CDH4: variants seen among roughly 807,000 people sequenced by gnomAD.
CDH4 encodes the protein cadherin-4.
A neutral mutation model predicts 86.0 loss-of-function variants in CDH4; 33 were observed. The observed-to-expected ratio is 0.38, with a 90% CI of 0.29 to 0.51. The LOEUF is 0.51. Ranked by LOEUF, CDH4 falls within the 20% of genes least tolerant of loss-of-function variation. The pLI, the probability that CDH4 is intolerant of heterozygous loss-of-function variation, is 0.86. For missense variants in CDH4, 1,114 were observed against 1,307.4 expected, an observed-to-expected ratio of 0.85 and a Z score of 2.28; for synonymous variants, 555 against 549.4, an observed-to-expected ratio of 1.01 and a Z score of -0.14.
intron 8 of CDH4, among the ~76,000 whole-genome samples, chr20:61,907,304 G>A (rs912316607): frequency 2.0e-5 from 3 of 152,074 alleles, no homozygotes; most frequent in Non-Finnish European, 2.9e-5. Flanking sequence ...AGGCCTCAGC[G>A]AAGCTTCCTT....
At chr20:61,686,418 C>A (rs2087574189) in intron 2 of CDH4, among the ~76,000 whole-genome samples, 2 of 147,120 alleles carry the variant, frequency 1.4e-5, no homozygotes, top group African/African-American at 2.5e-5. Context: ...TGTGCCTGTA[C>A]ATTTGCGTGT....
At chr20:61,865,640 G>A (rs1983513367) in intron 6 of CDH4, among the ~76,000 whole-genome samples, 1 of 151,860 alleles carries the variant, frequency 6.6e-6, no homozygotes, top group Non-Finnish European at 1.5e-5. Context: ...GGTTAGTGTA[G>A]ATGATACCTG....
intron 2 of CDH4, among the ~76,000 whole-genome samples, chr20:61,565,371 G>GGTA (rs2086286945): frequency 2.5e-5 from 1 of 39,688 alleles, no homozygotes; most frequent in Non-Finnish European, 4.1e-5. Context: ...TGATGGTGGT[G>GGTA]GTGGTCCTCT....
chr20:61,724,615 G>A (rs1295465303), intron 2 of CDH4, among the ~76,000 whole-genome samples: 9 of 152,146 alleles, frequency 5.9e-5, no homozygotes, highest in Non-Finnish European at 1.2e-4. Context: ...CCCCGACCCC[G>A]GGCTGTACTG....
chr20:61,809,017 C>T (rs1274198063), intron 4 of CDH4, among the ~76,000 whole-genome samples: 1 of 152,198 alleles, frequency 6.6e-6, no homozygotes, highest in Non-Finnish European at 1.5e-5. Context: ...TGTGCCCACC[C>T]ACCACAGAAG....
chr20:61,529,555 G>A (rs2085936695), intron 2 of CDH4, among the ~76,000 whole-genome samples: 1 of 152,190 alleles, frequency 6.6e-6, no homozygotes. Flanking sequence ...AGGAATCTGT[G>A]CAGTGAGGAA....
Position 61,671,731 on chromosome 20 carries a change from T to C in CDH4, c.170-71832T>C, listed in dbSNP as rs1568746587. 2.1e-5 allele frequency among the ~76,000 whole-genome samples: 3 copies of C among 145,536 alleles called. No homozygotes were observed. The East Asian group carries it at 6.3e-4, about 31-fold the overall frequency. On this transcript the variant is annotated intron_variant, in intron 2 of 15. Coordinates refer to ENST00000614565, the MANE Select transcript of CDH4 (RefSeq NM_001794.5). Reference sequence around the variant, plus strand: ...GTAGATGGATAAATGAATGGATGGGTGGATGGATGATGAATGAATGATGGG... The same window carrying C: ...GTAGATGGATAAATGAATGGATGGGCGGATGGATGATGAATGAATGATGGG...
intron 2 of CDH4, among the ~76,000 whole-genome samples, chr20:61,528,472 A>AGGGGGGGGGGGGGGGAGAGGGGGGGGGG (rs2085929003): frequency 2.9e-5 from 1 of 34,362 alleles, no homozygotes; most frequent in African/African-American, 1.3e-4. Context: ...AGGGAGGGGG[A>AGGGGGGGGGGGGGGGAGAGGGGGGGGGG]GGGGGAGAAA....
chr20:61,565,860 G>A lies in CDH4; in HGVS notation c.170-177703G>A, dbSNP rs549902246. On this transcript the variant is annotated intron_variant, in intron 2 of 15. Coordinates refer to ENST00000614565, the MANE Select transcript of CDH4 (RefSeq NM_001794.5). ...CCTGCCTGGACGCTGTCATGAGGTT[G>A]CTGCCGGGGTTGCTCAGCTGCCTGG... is the stretch of plus-strand genomic sequence containing the variant. Among the ~76,000 whole-genome samples, 31 of 152,320 alleles carry A rather than the reference G, an allele frequency of 2.0e-4. No homozygotes were observed. In the South Asian group the frequency reaches 6.2e-3, roughly 31 times the overall value.
intron 2 of CDH4, among the ~76,000 whole-genome samples, chr20:61,531,686 C>A (rs1034975874): frequency 6.6e-6 from 1 of 152,142 alleles, no homozygotes. Context: ...CAAGTGCATG[C>A]GTGGACATGG....
rs906661495 is a variant in CDH4 at position 61,732,468 on chromosome 20, C to A, written c.170-11095C>A. On this transcript the variant is annotated intron_variant, in intron 2 of 15. Coordinates refer to ENST00000614565, the MANE Select transcript of CDH4 (RefSeq NM_001794.5). The stretch of plus-strand genomic sequence containing the variant: ...CTCCTCCTCGCTCCCTTCCTGCCCC[C>A]CAGTCTCCTCCCATCCTCAGATACA... Among the ~76,000 whole-genome samples, 8 of 152,282 alleles carry A rather than the reference C, an allele frequency of 5.3e-5. No homozygotes were observed. In the South Asian group the frequency reaches 1.0e-3, roughly 20 times the overall value.
intron 2 of CDH4, among the ~76,000 whole-genome samples, chr20:61,433,426 C>T (rs1295760291): frequency 6.6e-6 from 1 of 151,938 alleles, no homozygotes; most frequent in African/African-American, 2.4e-5. Context: ...GTCAGCCATT[C>T]GACTTTACTC....
intron 2 of CDH4, among the ~76,000 whole-genome samples, chr20:61,362,165 G>A (rs1352765733): frequency 2.0e-5 from 3 of 152,234 alleles, no homozygotes; most frequent in Non-Finnish European, 4.4e-5. Flanking sequence ...CAATGATGAG[G>A]AAGAAGAAAG....
intron 2 of CDH4, among the ~76,000 whole-genome samples, chr20:61,291,883 C>T (rs1016355248): frequency 6.6e-6 from 1 of 152,202 alleles, no homozygotes; most frequent in African/African-American, 2.4e-5. Flanking sequence ...CTTTCCTGCT[C>T]CTCTCCCTCC....
intron 2 of CDH4, among the ~76,000 whole-genome samples, chr20:61,255,749 A>G (rs1326053473): frequency 6.6e-6 from 1 of 152,162 alleles, no homozygotes; most frequent in African/African-American, 2.4e-5. Context: ...GTCCCAGGGA[A>G]TGTAAACTTT....
At chr20:61,853,972 G>C (rs1184947080) in intron 6 of CDH4, among the ~76,000 whole-genome samples, 3 of 152,182 alleles carry the variant, frequency 2.0e-5, no homozygotes, top group Non-Finnish European at 4.4e-5. Context: ...AGTCAGCAAA[G>C]CACTTTAAAG....
chr20:61,588,342 A>G (rs1341862041), intron 2 of CDH4, among the ~76,000 whole-genome samples: 1 of 152,222 alleles, frequency 6.6e-6, no homozygotes, highest in African/African-American at 2.4e-5. Flanking sequence ...GTGATTTGCA[A>G]CGCTGGTCCT....
chr20:61,878,892 C>A (rs1398347719), intron 7 of CDH4, among the ~76,000 whole-genome samples: 1 of 152,242 alleles, frequency 6.6e-6, no homozygotes, highest in Non-Finnish European at 1.5e-5. Context: ...GGGCGCCCCT[C>A]GCCAGGGCTC....
chr20:61,643,126 A>G (rs758239162), intron 2 of CDH4, among the ~76,000 whole-genome samples: 4 of 152,244 alleles, frequency 2.6e-5, no homozygotes, highest in Non-Finnish European at 5.9e-5. Flanking sequence ...GTGAAGTCCA[A>G]GACCAGGCAG....
Sources: gnomAD v4.1 joint callset for allele counts (sites outside exome capture counted in the v4.1 genomes callset) on GRCh38, gnomAD v4.1.1 for gene constraint, MANE v1.5 for transcripts, NCBI Gene and HGNC (gene_info 2026-07-23, HGNC 2026-07-21) for gene names.